NDRG3: variants seen among roughly 807,000 people sequenced by gnomAD.
The protein encoded by NDRG3 is protein NDRG3.
In NDRG3, 23 loss-of-function variants were observed where a neutral mutation model predicts 57.2. The ratio of observed to expected loss-of-function variants is 0.40; its 90% CI spans 0.29 to 0.57. The LOEUF is 0.57. Ranked by LOEUF, NDRG3 falls within the 20% of genes least tolerant of loss-of-function variation. The pLI is 0.42. For missense variants in NDRG3, 384 were observed against 457.3 expected (o/e 0.84, Z 1.46); for synonymous variants, 132 against 162.6 (o/e 0.81, Z 1.43).
At chr20:36,703,601 G>A (rs1983379975) in intron 3 of NDRG3, among the ~76,000 whole-genome samples, 1 of 151,838 alleles carries the variant, frequency 6.6e-6, no homozygotes, top group Admixed American at 6.6e-5. Flanking sequence ...ATGCCATCGT[G>A]CCCAGCTAAT....
At chr20:36,671,307 AAACAC>A in intron 9 of NDRG3, 29 bp downstream of exon 9, 1 of 1,570,602 alleles carries the variant, frequency 6.4e-7, no homozygotes, top group Non-Finnish European at 8.7e-7. Context: ...GCAAGCCAAT[AAACAC>A]AGCTCTTCTG....
chr20:36,708,909 A>G (rs1414415741), intron 2 of NDRG3, among the ~76,000 whole-genome samples: 3 of 151,356 alleles, frequency 2.0e-5, no homozygotes, highest in Admixed American at 2.0e-4. Flanking sequence ...GTGGTGGTGC[A>G]TGCCTGTAAT....
chr20:36,720,319 T>A (rs1032204949), intron 2 of NDRG3, among the ~76,000 whole-genome samples: 4 of 151,686 alleles, frequency 2.6e-5, no homozygotes, highest in African/African-American at 9.7e-5. Flanking sequence ...ACTACAGGCC[T>A]GCACCACCAC....
intron 2 of NDRG3, among the ~76,000 whole-genome samples, chr20:36,713,013 G>T (rs964843073): frequency 6.6e-6 from 1 of 152,112 alleles, no homozygotes; most frequent in African/African-American, 2.4e-5. Flanking sequence ...TCCTGCCTCA[G>T]TTTGTTTGTC....
chr20:36,716,031 G>T (rs1984253483), intron 2 of NDRG3, among the ~76,000 whole-genome samples: 1 of 152,120 alleles, frequency 6.6e-6, no homozygotes, highest in Non-Finnish European at 1.5e-5. Flanking sequence ...AGCCCAGGAG[G>T]CTGCAATAAG....
At chr20:36,689,182 G>T (rs1198845129) in intron 3 of NDRG3, among the ~76,000 whole-genome samples, 1 of 152,074 alleles carries the variant, frequency 6.6e-6, no homozygotes, top group Non-Finnish European at 1.5e-5. Flanking sequence ...GACAGAGCAA[G>T]ACTTCGTCTC....
chr20:36,658,688 CT>C (rs1978892510), intron 13 of NDRG3, among the ~76,000 whole-genome samples: 2 of 152,272 alleles, frequency 1.3e-5, no homozygotes, highest in South Asian at 2.1e-4. Flanking sequence ...TACCTCAACA[CT>C]TTAGTAGAGG....
chr20:36,669,712 C>T (rs1324094202), intron 9 of NDRG3, among the ~76,000 whole-genome samples: 2 of 152,054 alleles, frequency 1.3e-5, no homozygotes, highest in Non-Finnish European at 2.9e-5. Flanking sequence ...GCGGACCTGC[C>T]TCAGCCTCCC....
In NDRG3 at chr20:36,653,563, G is replaced by C. The variant is rs1471525870; in HGVS notation, c.1085C>G (p.Pro362Arg). The C allele has an allele frequency of 3.1e-6, 5 of 1,614,040 alleles. No homozygotes were observed. The highest frequency in any genetic ancestry group is 3.3e-5 in the Admixed American group (2 of 59,998). The change falls in exon 16 of 16, where the codon CCT becomes CGT. Residue 362 changes from proline (P) to arginine (R), a missense_variant. Physicochemically the swap from Pro to Arg is moderately radical, Grantham distance 103. Transcript: ENST00000349004. This position sits in a 1 kb window ranked among gnomAD's most constrained non-coding sequence, Gnocchi z 4.2. ...GGTCTGGTGTCTGTCCAGGACATCA[G>C]GGGACTCACAGGATTCTTGAGTTCC... ...SDGTQESCES[P>R]DVLDRHQTME...
intron 1 of NDRG3, among the ~76,000 whole-genome samples, chr20:36,724,171 C>A (rs1367124801): frequency 7.9e-5 from 12 of 152,232 alleles, no homozygotes; most frequent in Admixed American, 6.5e-4. Context: ...TATGTTAGAA[C>A]AGACTAACAA....
intron 2 of NDRG3, among the ~76,000 whole-genome samples, chr20:36,717,374 G>T (rs1984337018): frequency 6.6e-6 from 1 of 152,180 alleles, no homozygotes; most frequent in Non-Finnish European, 1.5e-5. Context: ...GGAGGATGCA[G>T]CAATGTCTTC....
chr20:36,713,442 G>C (rs1285921849), intron 2 of NDRG3, among the ~76,000 whole-genome samples: 1 of 152,132 alleles, frequency 6.6e-6, no homozygotes, highest in Non-Finnish European at 1.5e-5. Context: ...TGAAAAAAAA[G>C]GGGGGTGTGA....
At chr20:36,680,761 A>G in intron 8 of NDRG3, 55 bp downstream of exon 8, 1 of 1,394,038 alleles carries the variant, frequency 7.2e-7, no homozygotes, top group East Asian at 2.3e-5. Context: ...AAAACTGGTA[A>G]GCTGTTTTGA....
chr20:36,713,206 A>G (rs1350826049), intron 2 of NDRG3, among the ~76,000 whole-genome samples: 1 of 152,210 alleles, frequency 6.6e-6, no homozygotes, highest in African/African-American at 2.4e-5. Context: ...CAACAGAATA[A>G]TTTGAAGAGG....
At chr20:36,664,931 C>T (rs71351036) in intron 12 of NDRG3, 115 bp downstream of exon 12, 1 of 1,051,322 alleles carries the variant, frequency 9.5e-7, no homozygotes, top group Non-Finnish European at 1.5e-6. Context: ...TCAAGCGATC[C>T]TCCTGCCTCA....
chr20:36,725,531 G>A (rs566870516), intron 1 of NDRG3, among the ~76,000 whole-genome samples: 3 of 150,696 alleles, frequency 2.0e-5, no homozygotes, highest in Admixed American at 6.6e-5. Flanking sequence ...GAGCCTGGGA[G>A]GCAGAAGTTG....
At chr20:36,745,725 CGA>C (rs989267144) in intron 1 of NDRG3, among the ~76,000 whole-genome samples, 1 of 152,212 alleles carries the variant, frequency 6.6e-6, no homozygotes, top group African/African-American at 2.4e-5. Context: ...AGAGCCAGAG[CGA>C]GAGAAGGGTT....
chr20:36,654,827 T>G, intron 15 of NDRG3: 1 of 779,726 alleles, frequency 1.3e-6, no homozygotes, highest in Non-Finnish European at 2.4e-6. Context: ...GTGACTGAGC[T>G]GCACATACGG....
Position 36,680,807 on chromosome 20 carries a change from G to A in NDRG3, c.531+9C>T. On this transcript the variant is annotated intron_variant, in intron 8 of 15. Coordinates refer to ENST00000349004, the MANE Select transcript of NDRG3 (RefSeq NM_032013.4). ...GATAAGCCGATGGACACCTTCATGT[G>A]GTACTTACTTTGGAAGCTGCCCAGT... The A allele has an allele frequency of 6.2e-7, 1 of 1,611,982 alleles. No individual in the cohort carries two copies. Among genetic ancestry groups the A allele is most frequent in the Non-Finnish European group, 8.5e-7 (1 of 1,178,104 alleles).
Sources: gnomAD v4.1 joint callset for allele counts (sites outside exome capture counted in the v4.1 genomes callset) on GRCh38, gnomAD v4.1.1 for gene constraint, Gnocchi (gnomAD v3.1) non-coding constraint, MANE v1.5 for transcripts, NCBI Gene and HGNC (gene_info 2026-07-23, HGNC 2026-07-21) for gene names.